Variants in ACTR3C observed in about 807,000 individuals in gnomAD.
ACTR3C encodes actin-related protein 3C.
In ACTR3C, 18 loss-of-function variants were observed where a neutral mutation model predicts 26.3. That is an observed-to-expected ratio of 0.68 (90% confidence interval 0.47 to 1.01). The LOEUF (loss-of-function observed/expected upper bound fraction) is 1.01. ACTR3C is among the 50% of genes least tolerant of loss of function. The probability of loss-of-function intolerance (pLI) is 0.00; values close to 1 mark genes in which losing one functional copy is unlikely to be tolerated. For missense variants in ACTR3C, 184 were observed against 250.7 expected, an observed-to-expected ratio of 0.73 and a Z score of 1.80; for synonymous variants, 55 against 94.5, an observed-to-expected ratio of 0.58 and a Z score of 2.42.
the ACTR3C span, among the ~76,000 whole-genome samples, chr7:149,884,439 C>T: frequency 2.6e-4 from 39 of 152,246 alleles, no homozygotes; most frequent in Admixed American, 1.0e-3. Context: ...ACAAAGTGCT[C>T]AACAGTGTGT....
chr7:149,987,140 C>T, the ACTR3C span, among the ~76,000 whole-genome samples: 2 of 148,338 alleles, frequency 1.3e-5, no homozygotes, highest in Non-Finnish European at 3.0e-5. Flanking sequence ...TTATGCAACT[C>T]ACAAAATTCT....
At chr7:150,259,232 G>A (rs1395817880) in intron 6 of ACTR3C, among the ~76,000 whole-genome samples, 1 of 126,794 alleles carries the variant, frequency 7.9e-6, no homozygotes, top group Non-Finnish European at 1.7e-5. Context: ...CAAAAAGAAA[G>A]AAAGAAAAGA....
the ACTR3C span, among the ~76,000 whole-genome samples, chr7:150,086,613 A>G: frequency 1.3e-5 from 2 of 152,024 alleles, no homozygotes; most frequent in African/African-American, 4.8e-5. Context: ...GAACCTAAGG[A>G]AAAGCTGCAC....
chr7:150,032,386 C>T, the ACTR3C span, among the ~76,000 whole-genome samples: 1 of 152,164 alleles, frequency 6.6e-6, no homozygotes. Flanking sequence ...GAGATTCCCT[C>T]CCTGGCCAGT....
At chr7:149,992,165 G>GCT in the ACTR3C span, among the ~76,000 whole-genome samples, 2 of 152,250 alleles carry the variant, frequency 1.3e-5, no homozygotes, top group Admixed American at 1.3e-4. Context: ...AATGTGTACA[G>GCT]GCAGATGCCT....
chr7:150,276,335 C>T (rs1335369174), intron 6 of ACTR3C, among the ~76,000 whole-genome samples: 4 of 152,302 alleles, frequency 2.6e-5, no homozygotes, highest in Non-Finnish European at 5.9e-5. Context: ...AAGAACCGCT[C>T]ATAGACATGC....
chr7:150,030,930 C>T, the ACTR3C span, among the ~76,000 whole-genome samples: 45 of 152,234 alleles, frequency 3.0e-4, 1 homozygote, highest in South Asian at 4.8e-3. Context: ...TCAGTAGGGA[C>T]AAGTCCATTT....
the ACTR3C span, among the ~76,000 whole-genome samples, chr7:149,958,372 C>A: frequency 6.6e-6 from 1 of 152,200 alleles, no homozygotes; most frequent in African/African-American, 2.4e-5. Flanking sequence ...GTTAAAGAGA[C>A]TGGGTTTGCT....
downstream of ACTR3C, among the ~76,000 whole-genome samples, chr7:150,241,241 T>C (rs1269026724): frequency 1.3e-5 from 2 of 152,130 alleles, no homozygotes; most frequent in Non-Finnish European, 2.9e-5. Flanking sequence ...ACTATCTGAT[T>C]CCAAGATTTA....
the ACTR3C span, among the ~76,000 whole-genome samples, chr7:149,962,849 C>A: frequency 1.3e-5 from 2 of 152,190 alleles, no homozygotes; most frequent in Non-Finnish European, 2.9e-5. Context: ...GTATCTCACT[C>A]CTTCACGCCA....
chr7:150,088,054 T>G, the ACTR3C span, among the ~76,000 whole-genome samples: 1 of 152,268 alleles, frequency 6.6e-6, no homozygotes, highest in East Asian at 1.9e-4. Context: ...TTGAATTATA[T>G]AGCATTCTTA....
the ACTR3C span, among the ~76,000 whole-genome samples, chr7:150,030,671 C>T: frequency 2.0e-5 from 3 of 152,214 alleles, no homozygotes; most frequent in African/African-American, 7.2e-5. Flanking sequence ...ATGAGACTCT[C>T]ACTTTCTTCG....
chr7:149,982,124 C>T, the ACTR3C span, among the ~76,000 whole-genome samples: 5 of 152,190 alleles, frequency 3.3e-5, no homozygotes, highest in Admixed American at 1.3e-4. Flanking sequence ...AAAAGTGGAA[C>T]TCTATGATCG....
At chr7:150,052,927 C>G in the ACTR3C span, among the ~76,000 whole-genome samples, 2,045 of 62,332 alleles carry the variant, frequency 0.033, 14 homozygotes, top group African/African-American at 0.059. Flanking sequence ...CCCTTCTCTG[C>G]ATCAATATCT....
the ACTR3C span, among the ~76,000 whole-genome samples, chr7:150,093,786 T>C: frequency 6.6e-6 from 1 of 150,818 alleles, no homozygotes; most frequent in African/African-American, 2.5e-5. Flanking sequence ...AGCTGCTATA[T>C]CACTCTTACC....
rs185140093 is a variant in ACTR3C, at chr7:150,304,982, C to T, written c.-51-9635G>A. 2.2e-3 allele frequency among the ~76,000 whole-genome samples: 329 copies of T among 152,038 alleles called. 1 individual carries two copies. Among genetic ancestry groups the T allele is most frequent in the African/African-American group, 7.1e-3 (295 of 41,338 alleles). ...CTGATTGCTCAATACAATGTCTGCC[C>T]GGGCTCCTTAATGAGTACTGGCTCT... On this transcript the variant is annotated intron_variant, in intron 1 of 7. Coordinates refer to ENST00000683684, the MANE Select transcript of ACTR3C (RefSeq NM_001164458.2).
At chr7:150,001,752 T>C in the ACTR3C span, 4 of 151,400 alleles carry the variant, frequency 2.6e-5, no homozygotes, top group Admixed American at 6.6e-5. Flanking sequence ...GGGCAGCACA[T>C]GTCCTGCACC....
chr7:150,116,395 CT>C, the ACTR3C span, among the ~76,000 whole-genome samples: 992 of 152,322 alleles, frequency 6.5e-3, 11 homozygotes, highest in African/African-American at 0.023. Context: ...TTCGTGCCCC[CT>C]GATGCCTTCC....
At chr7:150,258,951 A>G (rs1376136598) in intron 6 of ACTR3C, among the ~76,000 whole-genome samples, 2 of 151,946 alleles carry the variant, frequency 1.3e-5, no homozygotes, top group African/African-American at 2.4e-5. Flanking sequence ...TGTCTATTGC[A>G]GGCAACCATT....
Sources: gnomAD v4.1 joint callset for allele counts (sites outside exome capture counted in the v4.1 genomes callset) on GRCh38, gnomAD v4.1.1 for gene constraint, MANE v1.5 for transcripts, NCBI Gene and HGNC (gene_info 2026-07-23, HGNC 2026-07-21) for gene names.